NBAS: variants seen among roughly 807,000 people sequenced by gnomAD.
The protein encoded by NBAS is NAG/BC035112 fusion.
NBAS carries 219 observed loss-of-function variants against 302.5 expected under a neutral mutation model. The observed-to-expected ratio is 0.72, with a 90% CI of 0.65 to 0.81. The LOEUF (loss-of-function observed/expected upper bound fraction) is 0.81, where lower values mean the gene tolerates loss of function less well. Ranked by LOEUF, NBAS falls within the 30% of genes least tolerant of loss-of-function variation. The pLI, the probability that NBAS is intolerant of heterozygous loss-of-function variation, is 0.00. For synonymous variants in NBAS, 1,118 were observed against 1,021.6 expected (o/e 1.09, Z -1.80); for missense variants, 2,932 against 2,841.6 (o/e 1.03, Z -0.72).
chr2:15,039,584 A>G, the NBAS span, among the ~76,000 whole-genome samples: 9 of 152,302 alleles, frequency 5.9e-5, no homozygotes, highest in East Asian at 1.7e-3. Context: ...CTTTTAGATA[A>G]GCATTTTGGG....
At chr2:15,286,786 A>G (rs1274656984) in intron 42 of NBAS, among the ~76,000 whole-genome samples, 4 of 152,202 alleles carry the variant, frequency 2.6e-5, no homozygotes, top group African/African-American at 9.6e-5. Flanking sequence ...ACTGTAAGCT[A>G]TAAGTTCCAA....
intron 11 of NBAS, among the ~76,000 whole-genome samples, chr2:15,499,844 A>G (rs919984496): frequency 1.9e-4 from 29 of 152,366 alleles, no homozygotes; most frequent in African/African-American, 7.0e-4. Context: ...AGGCATAGTG[A>G]TATTTATTAA....
intron 34 of NBAS, 142 bp from the exon 35 acceptor site, chr2:15,352,223 T>C: frequency 1.5e-6 from 1 of 646,152 alleles, no homozygotes; most frequent in Non-Finnish European, 2.7e-6. Flanking sequence ...CAGGCTTACT[T>C]CAGGACTTCA....
the NBAS span, among the ~76,000 whole-genome samples, chr2:15,111,266 C>T: frequency 6.6e-6 from 1 of 152,014 alleles, no homozygotes; most frequent in African/African-American, 2.4e-5. Flanking sequence ...AATCATCCCC[C>T]CAAAGCACAA....
chr2:14,931,845 AG>A, the NBAS span, among the ~76,000 whole-genome samples: 12 of 152,218 alleles, frequency 7.9e-5, no homozygotes, highest in Non-Finnish European at 2.9e-5. Flanking sequence ...ACTTTTTGTA[AG>A]GATACAATCC....
rs564654766 is a variant in NBAS at position 15,352,841 on chromosome 2, T to G, written c.4089+712A>C. On this transcript the variant is annotated intron_variant, in intron 34 of 51. Coordinates refer to ENST00000281513, the MANE Select transcript of NBAS (RefSeq NM_015909.4). Reference sequence around the variant, plus strand: ...AGCTGCTGATCACCAGTTTCAGGGGTTTTTTTCTATCTATAGGGAAACTGT... The same window carrying G: ...AGCTGCTGATCACCAGTTTCAGGGGGTTTTTTCTATCTATAGGGAAACTGT... Among the ~76,000 whole-genome samples the G allele has an allele frequency of 5.3e-5, 8 of 152,072 alleles. No individual in the cohort carries two copies. The South Asian group carries it at 1.5e-3, about 28-fold the overall frequency.
the NBAS span, among the ~76,000 whole-genome samples, chr2:14,915,737 T>C: frequency 1.4e-4 from 22 of 152,264 alleles, no homozygotes; most frequent in Admixed American, 1.4e-3. Flanking sequence ...TTATTTTGTA[T>C]TTTTAGTAGA....
rs1283459498 is a variant in NBAS, at chr2:15,292,677, G to C, written c.4887C>G (p.Thr1629=). 1.2e-6 allele frequency: 2 copies of C among 1,614,056 alleles called. No individual in the cohort carries two copies. The highest frequency in any genetic ancestry group is 2.2e-5 in the East Asian group (1 of 44,884). Residue 1629 remains threonine (T), a synonymous_variant, in exon 41 of 52, where the codon ACC becomes ACG. Coordinates refer to ENST00000281513, the MANE Select transcript of NBAS (RefSeq NM_015909.4). ...EAWPEDLISL[T]KQLHCYNERL... ...GTTCATTGTAGCAGTGTAACTGCTT[G>C]GTCAGTGAAATAAGGTCTTCAGGCC...
chr2:15,421,875 A>G (rs1677230921), intron 23 of NBAS, among the ~76,000 whole-genome samples: 1 of 152,148 alleles, frequency 6.6e-6, no homozygotes, highest in Admixed American at 6.6e-5. Flanking sequence ...AGCTAAAAGT[A>G]CAATTTCCAT....
the NBAS span, among the ~76,000 whole-genome samples, chr2:14,962,145 T>G: frequency 3.1e-3 from 471 of 152,278 alleles, 1 homozygote; most frequent in Non-Finnish European, 4.4e-3. Context: ...AGTTTGATAC[T>G]GTGGATATTT....
chr2:15,498,988 C>T (rs189274858), intron 11 of NBAS, among the ~76,000 whole-genome samples: 16 of 149,686 alleles, frequency 1.1e-4, no homozygotes, highest in East Asian at 2.0e-4. Flanking sequence ...AATGCAGTGG[C>T]GCGATTCTTG....
intron 35 of NBAS, among the ~76,000 whole-genome samples, chr2:15,335,174 T>TAAAAAAAAA (rs34790746): frequency 8.5e-6 from 1 of 117,278 alleles, no homozygotes; most frequent in African/African-American, 3.3e-5. Flanking sequence ...TCATCTCTCT[T>TAAAAAAAAA]AAAAAAAAAA....
intron 23 of NBAS, 148 bp downstream of exon 23, chr2:15,424,167 A>T (rs148450841): frequency 1.7e-5 from 17 of 1,025,798 alleles, no homozygotes; most frequent in Non-Finnish European, 2.5e-5. Context: ...AATGCACAGG[A>T]TAACAAAGAA....
At chr2:15,209,620 AC>A (rs909275757) in intron 48 of NBAS, among the ~76,000 whole-genome samples, 7 of 152,300 alleles carry the variant, frequency 4.6e-5, no homozygotes, top group Non-Finnish European at 1.0e-4. Context: ...AATACAAAAA[AC>A]AATCCTAAAC....
At chr2:15,311,563 A>G (rs1036986358) in intron 38 of NBAS, among the ~76,000 whole-genome samples, 7 of 152,250 alleles carry the variant, frequency 4.6e-5, no homozygotes, top group African/African-American at 1.7e-4. Flanking sequence ...ATAATTATTA[A>G]TGAATTAACA....
At chr2:15,264,861 T>C (rs1318080197) in intron 44 of NBAS, among the ~76,000 whole-genome samples, 3 of 152,162 alleles carry the variant, frequency 2.0e-5, no homozygotes, top group African/African-American at 4.8e-5. Context: ...ATGAAAATGT[T>C]TTATCTGCTC....
At chr2:15,252,774 C>G (rs971638686) in intron 44 of NBAS, among the ~76,000 whole-genome samples, 4 of 152,134 alleles carry the variant, frequency 2.6e-5, no homozygotes, top group African/African-American at 9.7e-5. Flanking sequence ...CAAACACTTT[C>G]ATACTCGCTA....
Position 15,424,399 on chromosome 2 carries a change from C to G in NBAS, c.2493G>C (p.Arg831Ser), listed in dbSNP as rs191312298. The change falls in exon 23 of 52, where the codon AGG (arginine) becomes AGC (serine). Residue 831 changes from arginine to serine, a missense_variant. Arg to Ser is a moderately radical substitution (Grantham distance 110, BLOSUM62 -1). Transcript: ENST00000281513. ...FLYAAQPELL[R>S]FRMTQLTVEK... Reference sequence around the variant, plus strand: ...CCACCGTAAGCTGGGTCATCCTGAACCTTAGTAACTCAGGCTGTGCAGCAT... The same window carrying G: ...CCACCGTAAGCTGGGTCATCCTGAAGCTTAGTAACTCAGGCTGTGCAGCAT... 1 of 1,614,000 alleles carries G rather than the reference C, an allele frequency of 6.2e-7. No homozygotes were observed. The highest frequency in any genetic ancestry group is 1.3e-5 in the African/African-American group (1 of 74,916).
At chr2:15,249,596 G>C (rs1467696991) in intron 44 of NBAS, among the ~76,000 whole-genome samples, 1 of 152,180 alleles carries the variant, frequency 6.6e-6, no homozygotes, top group African/African-American at 2.4e-5. Flanking sequence ...TCCTTAAGCT[G>C]ATAAACAACT....
Sources: gnomAD v4.1 joint callset for allele counts (sites outside exome capture counted in the v4.1 genomes callset) on GRCh38, gnomAD v4.1.1 for gene constraint, MANE v1.5 for transcripts, NCBI Gene and HGNC (gene_info 2026-07-23, HGNC 2026-07-21) for gene names.